The following ACBD5 variants were observed in gnomAD, a reference collection of about 807,000 sequenced individuals.
ACBD5 encodes the protein acyl-CoA binding domain containing 5.
A neutral mutation model predicts 71.8 loss-of-function variants in ACBD5; 40 were observed. The ratio of observed to expected loss-of-function variants is 0.56; its 90% CI spans 0.43 to 0.72. ACBD5 has a LOEUF of 0.72. Ranked by LOEUF, ACBD5 falls within the 30% of genes least tolerant of loss-of-function variation. The probability of loss-of-function intolerance (pLI) is 0.00; values close to 1 mark genes in which losing one functional copy is unlikely to be tolerated. For synonymous variants in ACBD5, 229 were observed against 218.6 expected (o/e 1.05, Z -0.42); for missense variants, 559 against 644.5 (o/e 0.87, Z 1.44).
downstream of ACBD5, among the ~76,000 whole-genome samples, chr10:27,194,338 C>A (rs1040907268): frequency 6.6e-6 from 1 of 150,782 alleles, no homozygotes; most frequent in Non-Finnish European, 1.5e-5. Context: ...GGGCTGGGTG[C>A]GGTGACTCAC....
intron 13 of ACBD5, among the ~76,000 whole-genome samples, chr10:27,183,680 G>T (rs1181866175): frequency 2.0e-5 from 3 of 152,106 alleles, no homozygotes; most frequent in African/African-American, 7.2e-5. Flanking sequence ...ATTTGCATCA[G>T]CTTCTAGGTG....
chr10:27,228,803 ATATATATATATATTTT>A (rs2063424099), intron 4 of ACBD5, among the ~76,000 whole-genome samples: 1 of 4,342 alleles, frequency 2.3e-4, no homozygotes, highest in South Asian at 0.015. Flanking sequence ...ATATATATAT[ATATATATATATATTTT>A]TTTTTTTTTT....
chr10:27,214,405 G>A (rs999341652), intron 8 of ACBD5, among the ~76,000 whole-genome samples: 4 of 151,678 alleles, frequency 2.6e-5, no homozygotes, highest in Admixed American at 2.0e-4. Context: ...GTGGAGATGG[G>A]GGTCTCGCCT....
chr10:27,216,053 TA>T (rs1445379885), intron 7 of ACBD5, among the ~76,000 whole-genome samples: 1 of 152,130 alleles, frequency 6.6e-6, no homozygotes, highest in Admixed American at 6.6e-5. Flanking sequence ...TTTGCATTTT[TA>T]GTAGAGACAG....
downstream of ACBD5, among the ~76,000 whole-genome samples, chr10:27,194,373 G>A (rs1391976552): frequency 2.0e-5 from 3 of 151,904 alleles, no homozygotes; most frequent in Non-Finnish European, 4.4e-5. Flanking sequence ...CACTTTGGGA[G>A]GCAGAGGCAG....
At chr10:27,227,925 C>A (rs1290241653) in intron 4 of ACBD5, among the ~76,000 whole-genome samples, 1 of 151,954 alleles carries the variant, frequency 6.6e-6, no homozygotes, top group Non-Finnish European at 1.5e-5. Flanking sequence ...GTTGTCCAGG[C>A]TGGTCTCCAA....
intron 4 of ACBD5, among the ~76,000 whole-genome samples, chr10:27,228,813 ATATTT>A (rs1452843486): frequency 6.2e-3 from 47 of 7,596 alleles, no homozygotes; most frequent in African/African-American, 9.6e-3. Flanking sequence ...ATATATATAT[ATATTT>A]TTTTTTTTTT....
intron 8 of ACBD5, among the ~76,000 whole-genome samples, chr10:27,214,939 A>G (rs1312592621): frequency 2.6e-5 from 4 of 152,184 alleles, no homozygotes; most frequent in African/African-American, 9.7e-5. Context: ...TGAGGTGGGC[A>G]GATCACTTGA....
intron 4 of ACBD5, among the ~76,000 whole-genome samples, chr10:27,228,815 ATTTTT>A (rs1167438554): frequency 2.0e-3 from 40 of 20,342 alleles, no homozygotes; most frequent in South Asian, 4.0e-3. Context: ...ATATATATAT[ATTTTT>A]TTTTTTTTTT....
upstream of ACBD5, among the ~76,000 whole-genome samples, chr10:27,241,800 AG>A (rs1169858104): frequency 6.6e-6 from 1 of 152,092 alleles, no homozygotes; most frequent in Non-Finnish European, 1.5e-5. Context: ...AACCCTAGAA[AG>A]GGGGTGCCCT....
At chr10:27,220,220 C>CAATCTCAT (rs1374280570) in intron 5 of ACBD5, among the ~76,000 whole-genome samples, 1 of 152,146 alleles carries the variant, frequency 6.6e-6, no homozygotes, top group Admixed American at 6.5e-5. Context: ...TTTGGTTCTA[C>CAATCTCAT]CAACAATCTC....
At chr10:27,223,821 G>A (rs1187703811) in intron 4 of ACBD5, among the ~76,000 whole-genome samples, 1 of 152,040 alleles carries the variant, frequency 6.6e-6, no homozygotes, top group Non-Finnish European at 1.5e-5. Context: ...GAGGTGGGAG[G>A]ATTACATGAG....
upstream of ACBD5, among the ~76,000 whole-genome samples, chr10:27,241,423 C>T (rs2065478807): frequency 6.6e-6 from 1 of 152,182 alleles, no homozygotes; most frequent in Admixed American, 6.5e-5. Flanking sequence ...TTTTCGCTGC[C>T]CTGAGCCAAG....
chr10:27,190,503 C>T (rs545720075), downstream of ACBD5, among the ~76,000 whole-genome samples: 9 of 152,232 alleles, frequency 5.9e-5, no homozygotes, highest in South Asian at 1.0e-3. Context: ...ATTTTGGGTT[C>T]GGGAAGTGGT....
rs1169917244 is a variant in ACBD5 at position 27,228,791 on chromosome 10, T to TTATATATATATATATATA, written c.375+2939_375+2956dup. On this transcript the variant is annotated intron_variant, in intron 4 of 12. Transcript: ENST00000396271. ...TCTATAAAACATAATCCTATTATGT[T>TTATATATATATATATATA]TATATATATATATATATATATATAT... 3.2e-3 allele frequency among the ~76,000 whole-genome samples: 71 copies of TTATATATATATATATATA among 22,118 alleles called. 1 individual carries two copies. The highest frequency in any genetic ancestry group is 0.062 in the Middle Eastern group (1 of 16). The allele number at this position is 22,118 out of a possible 152,430, so 14.5% of individuals were successfully genotyped here. A position where few individuals can be genotyped will look rare whatever the true frequency, so the allele number is the denominator to read the frequency against.
At chr10:27,212,322 A>G (rs1350478124) in intron 8 of ACBD5, among the ~76,000 whole-genome samples, 2 of 152,158 alleles carry the variant, frequency 1.3e-5, no homozygotes, top group Non-Finnish European at 2.9e-5. Context: ...GCACTCCAGA[A>G]GCCAGGTCAG....
chr10:27,224,801 C>T (rs555474188), intron 4 of ACBD5, among the ~76,000 whole-genome samples: 1 of 152,156 alleles, frequency 6.6e-6, no homozygotes, highest in South Asian at 2.1e-4. Flanking sequence ...GAGGCTGAGG[C>T]AGGAGGATCA....
At chr10:27,183,285 T>C (rs7073841) in intron 13 of ACBD5, among the ~76,000 whole-genome samples, 15,595 of 151,988 alleles carry the variant, frequency 0.1, 2,626 homozygotes, top group African/African-American at 0.35. Flanking sequence ...GTTGTTGTTG[T>C]TGTTGTTGTT....
chr10:27,222,946 A>G (rs1020045446), intron 5 of ACBD5, among the ~76,000 whole-genome samples: 1 of 152,244 alleles, frequency 6.6e-6, no homozygotes, highest in Admixed American at 6.5e-5. Context: ...AAAGCAAAAT[A>G]GAAAACATGA....
Sources: allele counts gnomAD v4.1 joint callset (sites outside exome capture counted in the v4.1 genomes callset), GRCh38; gene constraint gnomAD v4.1.1; transcripts MANE v1.5; gene names NCBI Gene and HGNC (gene_info 2026-07-23, HGNC 2026-07-21).